NIPSNAP3B: variants seen among roughly 807,000 people sequenced by gnomAD.
NIPSNAP3B encodes the protein nipsnap homolog 3B.
NIPSNAP3B carries 30 observed loss-of-function variants against 31.5 expected under a neutral mutation model. The observed-to-expected ratio is 0.95, with a 90% CI of 0.71 to 1.29. The LOEUF (loss-of-function observed/expected upper bound fraction) is 1.29. Among genes scored for constraint, NIPSNAP3B ranks in the 50% most tolerant of loss-of-function variants. The pLI is 0.00. For synonymous variants in NIPSNAP3B, 106 were observed against 107.9 expected (o/e 0.98, Z 0.11); for missense variants, 269 against 300.7 (o/e 0.89, Z 0.78).
chr9:104,767,137 G>A (rs1828106391), intron 2 of NIPSNAP3B, among the ~76,000 whole-genome samples: 1 of 151,924 alleles, frequency 6.6e-6, no homozygotes, highest in African/African-American at 2.4e-5. Flanking sequence ...TCACCCATTT[G>A]GGAGCTTTAT....
At chr9:104,790,706 TAAAAG>T in the NIPSNAP3B span, among the ~76,000 whole-genome samples, 1 of 152,208 alleles carries the variant, frequency 6.6e-6, no homozygotes, top group Admixed American at 6.5e-5. Flanking sequence ...ATAAAGCTGT[TAAAAG>T]AAGAGAATGA....
chr9:104,767,392 A>G (rs896414214), intron 2 of NIPSNAP3B, among the ~76,000 whole-genome samples: 4 of 152,268 alleles, frequency 2.6e-5, no homozygotes, highest in African/African-American at 9.6e-5. Context: ...AATCCCCAGA[A>G]TGTTTGTTAC....
chr9:104,781,322 T>C (rs1013939778), downstream of NIPSNAP3B: 1 of 152,562 alleles, frequency 6.6e-6, no homozygotes, highest in African/African-American at 2.4e-5. Flanking sequence ...ACCTAAATCC[T>C]TATGGAAATA....
At chr9:104,770,291 A>G (rs1049983864) in intron 3 of NIPSNAP3B, among the ~76,000 whole-genome samples, 2 of 152,146 alleles carry the variant, frequency 1.3e-5, no homozygotes, top group Non-Finnish European at 2.9e-5. Context: ...ATTTACCTGG[A>G]TATTTAGGAA....
At chr9:104,765,026 A>C (rs1828061085) in intron 1 of NIPSNAP3B, among the ~76,000 whole-genome samples, 1 of 152,204 alleles carries the variant, frequency 6.6e-6, no homozygotes, top group East Asian at 1.9e-4. Context: ...TAAACTGTAG[A>C]TACTAAGCAG....
chr9:104,787,080 C>T, the NIPSNAP3B span: 3 of 901,288 alleles, frequency 3.3e-6, no homozygotes, highest in East Asian at 7.8e-5. Context: ...TAAATTTTAA[C>T]TTGCCATTCT....
the NIPSNAP3B span, chr9:104,788,439 T>G: frequency 6.2e-7 from 1 of 1,614,124 alleles, no homozygotes. Context: ...GCCAACTTCT[T>G]TCTCTGGGAC....
chr9:104,787,481 C>T, the NIPSNAP3B span, among the ~76,000 whole-genome samples: 1 of 152,094 alleles, frequency 6.6e-6, no homozygotes, highest in African/African-American at 2.4e-5. Flanking sequence ...AACATCAATG[C>T]TCTTATCTAC....
chr9:104,787,606 T>C, the NIPSNAP3B span, among the ~76,000 whole-genome samples: 1 of 152,228 alleles, frequency 6.6e-6, no homozygotes. Flanking sequence ...GTCCACACTC[T>C]TCATTTTCAG....
At chr9:104,764,689 G>A (rs1828053511) in intron 1 of NIPSNAP3B, among the ~76,000 whole-genome samples, 1 of 152,202 alleles carries the variant, frequency 6.6e-6, no homozygotes, top group South Asian at 2.1e-4. Flanking sequence ...ACAGGCGCCA[G>A]CCACCACGCC....
chr9:104,766,685 A>C, intron 2 of NIPSNAP3B, 150 bp downstream of exon 2: 1 of 728,520 alleles, frequency 1.4e-6, no homozygotes, highest in Non-Finnish European at 2.2e-6. Context: ...AATTTAGCAG[A>C]TCTTCTTCCC....
downstream of NIPSNAP3B, chr9:104,781,450 T>G (rs984411120): frequency 2.0e-5 from 3 of 152,558 alleles, no homozygotes; most frequent in Admixed American, 6.5e-5. Flanking sequence ...AATATCAAAG[T>G]GGTTCAGTAT....
rs774727724 is a variant in NIPSNAP3B, at chr9:104,768,950, G to A, written c.359G>A (p.Arg120His). The A allele has an allele frequency of 6.9e-5, 111 of 1,613,686 alleles. No homozygotes were observed. The Middle Eastern group carries it at 9.9e-4, about 14-fold the overall frequency. The change falls in exon 3 of 6, where the codon CGC (arginine) becomes CAC (histidine). Residue 120 changes from arginine to histidine, a missense_variant. Physicochemically the swap from Arg to His is conservative, Grantham distance 29. Coordinates refer to ENST00000374762, the MANE Select transcript of NIPSNAP3B (RefSeq NM_018376.4). The stretch of plus-strand genomic sequence containing the variant: ...CAATCTATCATTCCAAATTTGGCTC[G>A]CATTGATAAACAAGAGACGGAAATT... ...QEQSIIPNLA[R>H]IDKQETEITY...
At chr9:104,782,430 G>A (rs1297869083), downstream of NIPSNAP3B, 1 of 152,062 alleles carries the variant, frequency 6.6e-6, no homozygotes, top group Admixed American at 6.6e-5. Flanking sequence ...TGGAAAAAGT[G>A]GAAGAAGTTA....
the NIPSNAP3B span, among the ~76,000 whole-genome samples, chr9:104,790,651 CT>C: frequency 6.6e-6 from 1 of 152,054 alleles, no homozygotes; most frequent in Non-Finnish European, 1.5e-5. Context: ...CTAAATTATA[CT>C]CTTAAAAAAC....
Position 104,776,008 on chromosome 9 carries a change from C to T in NIPSNAP3B, c.*2935C>T, listed in dbSNP as rs1470932536. Among the ~76,000 whole-genome samples, 1 of 152,124 alleles carries T rather than the reference C, an allele frequency of 6.6e-6. No individual in the cohort carries two copies. Among genetic ancestry groups the T allele is most frequent in the Non-Finnish European group, 1.5e-5 (1 of 68,028 alleles). Reference sequence around the variant, plus strand: ...GCTCTCAACCCTATTTTCAACATAGCAGTCAGAATAATCTAAAATATAAAC... The same window carrying T: ...GCTCTCAACCCTATTTTCAACATAGTAGTCAGAATAATCTAAAATATAAAC... On this transcript the variant is annotated 3_prime_UTR_variant, in exon 6 of 6. Transcript: ENST00000374762.
intron 3 of NIPSNAP3B, among the ~76,000 whole-genome samples, chr9:104,769,470 A>AG (rs1324285042): frequency 2.0e-5 from 3 of 151,492 alleles, no homozygotes; most frequent in African/African-American, 4.9e-5. Context: ...AAAAAAAAAA[A>AG]AGAGAATTAG....
downstream of NIPSNAP3B, among the ~76,000 whole-genome samples, chr9:104,780,591 A>G (rs568361553): frequency 4.6e-5 from 7 of 152,268 alleles, no homozygotes; most frequent in African/African-American, 1.7e-4. Flanking sequence ...CACCACCCCC[A>G]GCACCTTCCC....
At chr9:104,772,970 A>T in intron 5 of NIPSNAP3B, 27 bp from the exon 6 acceptor site, 1 of 1,614,012 alleles carries the variant, frequency 6.2e-7, no homozygotes, top group Non-Finnish European at 8.5e-7. Flanking sequence ...CAATAACTGT[A>T]TGCCTTCTTA....
Sources: gnomAD v4.1 joint callset for allele counts (sites outside exome capture counted in the v4.1 genomes callset) on GRCh38, gnomAD v4.1.1 for gene constraint, MANE v1.5 for transcripts, NCBI Gene and HGNC (gene_info 2026-07-23, HGNC 2026-07-21) for gene names.